The following CACNG2 variants were observed in gnomAD, a reference collection of about 807,000 sequenced individuals.
The protein encoded by CACNG2 is calcium voltage-gated channel auxiliary subunit gamma 2, also known as voltage-dependent calcium channel gamma-2 subunit.
In CACNG2, 3 loss-of-function variants were observed where a neutral mutation model predicts 25.9. The observed-to-expected ratio is 0.12, with a 90% CI of 0.05 to 0.30. The LOEUF (loss-of-function observed/expected upper bound fraction) is 0.30. CACNG2 is among the 10% of genes least tolerant of loss of function. The pLI, the probability that CACNG2 is intolerant of heterozygous loss-of-function variation, is 1.00. For synonymous variants in CACNG2, 167 were observed against 173.3 expected (o/e 0.96, Z 0.29); for missense variants, 341 against 432.5 (o/e 0.79, Z 1.88).
chr22:36,602,743 T>C lies in CACNG2; in HGVS notation c.212-15195A>G, dbSNP rs141308600. Among the ~76,000 whole-genome samples the C allele has an allele frequency of 1.1e-3, 174 of 152,336 alleles. 2 individuals carry two copies. The highest frequency in any genetic ancestry group is 4.1e-3 in the African/African-American group (169 of 41,582). On this transcript the variant is annotated intron_variant, in intron 1 of 3. Coordinates refer to ENST00000300105, the MANE Select transcript of CACNG2 (RefSeq NM_006078.5). ...GATCTGTGATCAGTGATCTTGGATG[T>C]TACCATTGTAATTGTTTTGGAGTGC...
At position 36,665,905 on chromosome 22, in the gene CACNG2, G is replaced by A. The variant is rs148652476; in HGVS notation, c.211+36461C>T. 5.8e-4 allele frequency among the ~76,000 whole-genome samples: 89 copies of A among 152,334 alleles called. 1 individual carries two copies. In the East Asian group the frequency reaches 8.9e-3, roughly 15 times the overall value. On this transcript the variant is annotated intron_variant, in intron 1 of 3. Coordinates refer to ENST00000300105, the MANE Select transcript of CACNG2 (RefSeq NM_006078.5). ...AGAATGGAAACCTGGGTCTCAAGGA[G>A]ATATTTGTATAGCTATGTTCATGGT...
intron 1 of CACNG2, among the ~76,000 whole-genome samples, chr22:36,660,791 C>A (rs1176447615): frequency 1.3e-5 from 2 of 152,244 alleles, no homozygotes; most frequent in African/African-American, 4.8e-5. Context: ...CCAGAGCCTT[C>A]CCTCATCCCA....
intron 1 of CACNG2, among the ~76,000 whole-genome samples, chr22:36,612,828 C>G (rs1180979082): frequency 6.6e-6 from 1 of 152,198 alleles, no homozygotes; most frequent in Non-Finnish European, 1.5e-5. Context: ...CCAAAGAAGT[C>G]TTTTGTCCTA....
intron 2 of CACNG2, among the ~76,000 whole-genome samples, chr22:36,573,271 G>T (rs562756526): frequency 2.0e-5 from 3 of 152,046 alleles, no homozygotes; most frequent in Non-Finnish European, 4.4e-5. Context: ...TAATAGTATG[G>T]CCTCTGAAAT....
At chr22:36,600,768 A>C (rs1348652066) in intron 1 of CACNG2, among the ~76,000 whole-genome samples, 2 of 152,048 alleles carry the variant, frequency 1.3e-5, no homozygotes, top group Admixed American at 6.5e-5. Context: ...GCTGGTCTGG[A>C]ACTCCCAACC....
intron 1 of CACNG2, among the ~76,000 whole-genome samples, chr22:36,612,273 G>A (rs1222952795): frequency 3.3e-5 from 5 of 152,194 alleles, no homozygotes. Context: ...TGGGGTATTG[G>A]AAGGATAGGC....
rs1341685713 is a variant in CACNG2, at chr22:36,630,713, G to T, written c.212-43165C>A. Among the ~76,000 whole-genome samples, 3 of 151,810 alleles carry T rather than the reference G, an allele frequency of 2.0e-5. No homozygotes were observed. The East Asian group carries it at 5.8e-4, about 29-fold the overall frequency. On this transcript the variant is annotated intron_variant, in intron 1 of 3. Coordinates refer to ENST00000300105, the MANE Select transcript of CACNG2 (RefSeq NM_006078.5). ...GAGCTTCCAGTGTAGATGTTTGCAT[G>T]GAAGGATGTGGTGGGAAGCAGAGAG...
chr22:36,618,297 C>T (rs41296239), intron 1 of CACNG2, among the ~76,000 whole-genome samples: 6,581 of 152,328 alleles, frequency 0.043, 233 homozygotes, highest in African/African-American at 0.092. Flanking sequence ...TGCAGGGGCC[C>T]CTCAGAGGCA....
chr22:36,651,660 T>C lies in CACNG2; in HGVS notation c.211+50706A>G, dbSNP rs555647096. On this transcript the variant is annotated intron_variant, in intron 1 of 3. Coordinates refer to ENST00000300105, the MANE Select transcript of CACNG2 (RefSeq NM_006078.5). ...TATTGTGTCTCTCCCCACTAGAAAG[T>C]GAGCCCCAAGAGGGCAGGAATATTT... is the stretch of plus-strand genomic sequence containing the variant. Among the ~76,000 whole-genome samples, 405 of 151,572 alleles carry C rather than the reference T, an allele frequency of 2.7e-3. 1 individual carries two copies. The highest frequency in any genetic ancestry group is 4.0e-3 in the Non-Finnish European group (271 of 68,020).
chr22:36,654,610 G>C (rs1413746757), intron 1 of CACNG2, among the ~76,000 whole-genome samples: 2 of 152,182 alleles, frequency 1.3e-5, no homozygotes, highest in African/African-American at 4.8e-5. Flanking sequence ...TTGAGAGACT[G>C]TGGGAAAAGC....
intron 1 of CACNG2, among the ~76,000 whole-genome samples, chr22:36,696,016 T>C (rs925352964): frequency 5.9e-5 from 9 of 152,230 alleles, no homozygotes; most frequent in African/African-American, 1.7e-4. Flanking sequence ...AAAATACTTA[T>C]ATTTGAGGTT....
At position 36,564,622 on chromosome 22, in the gene CACNG2, T is replaced by G. The variant is rs574213269; in HGVS notation, c.701A>C (p.Gln234Pro). 1.2e-6 allele frequency: 2 copies of G among 1,613,846 alleles called. No homozygotes were observed. The highest frequency in any genetic ancestry group is 4.5e-5 in the East Asian group (2 of 44,882). Residue 234 changes from glutamine (Q) to proline (P), a missense_variant, in exon 4 of 4, where the codon CAG (glutamine) becomes CCG (proline). By Grantham distance (76) the Gln-to-Pro change is moderately conservative. This residue lies in a region of CACNG2 where 172 missense variants were observed against 178.1 expected (regional missense o/e 0.97). Coordinates refer to ENST00000300105, the MANE Select transcript of CACNG2 (RefSeq NM_006078.5). The surrounding 1 kb of genome is among the most constrained non-coding windows in gnomAD (Gnocchi z 6.7). ...GCGCGAGCTGGAGCGGCTGCGGCGCTGGTAGCGGTAGCGGTAGCTGGGGAT... is the reference window on the plus strand; with the variant it reads ...GCGCGAGCTGGAGCGGCTGCGGCGCGGGTAGCGGTAGCGGTAGCTGGGGAT... ...TRIPSYRYRY[Q>P]RRSRSSSRST...
At chr22:36,599,520 C>A (rs528082785) in intron 1 of CACNG2, among the ~76,000 whole-genome samples, 1 of 151,804 alleles carries the variant, frequency 6.6e-6, no homozygotes, top group Non-Finnish European at 1.5e-5. Context: ...GGCAACATGG[C>A]GAAATCCTGT....
intron 1 of CACNG2, among the ~76,000 whole-genome samples, chr22:36,672,309 A>G (rs1936962906): frequency 6.6e-6 from 1 of 152,148 alleles, no homozygotes; most frequent in African/African-American, 2.4e-5. Flanking sequence ...GGTGCACACC[A>G]TACCACCTGG....
At chr22:36,625,184 C>A (rs1054447291) in intron 1 of CACNG2, among the ~76,000 whole-genome samples, 3 of 152,056 alleles carry the variant, frequency 2.0e-5, no homozygotes, top group Non-Finnish European at 4.4e-5. Flanking sequence ...CAGGACGTTT[C>A]AAAAATTAAA....
At chr22:36,626,893 C>T (rs986292054) in intron 1 of CACNG2, among the ~76,000 whole-genome samples, 3 of 152,202 alleles carry the variant, frequency 2.0e-5, no homozygotes, top group East Asian at 1.9e-4. Flanking sequence ...GGCATTTATT[C>T]GGTGCAAGCC....
intron 1 of CACNG2, among the ~76,000 whole-genome samples, chr22:36,653,759 C>T (rs1261590422): frequency 2.0e-5 from 3 of 152,100 alleles, no homozygotes; most frequent in Non-Finnish European, 4.4e-5. Context: ...CCCCTGTGTC[C>T]AAGCCTGTGG....
At chr22:36,653,087 C>T (rs56111272) in intron 1 of CACNG2, among the ~76,000 whole-genome samples, 3,266 of 152,096 alleles carry the variant, frequency 0.021, 123 homozygotes, top group African/African-American at 0.076. Flanking sequence ...TTTGGGAGGC[C>T]GAGGCGGGTG....
intron 1 of CACNG2, 70 bp from the exon 2 acceptor site, chr22:36,587,618 C>A: frequency 9.7e-7 from 1 of 1,034,984 alleles, no homozygotes; most frequent in Non-Finnish European, 1.5e-6. Flanking sequence ...CCACCTGCCT[C>A]TTCCCAACTT....
Sources: gnomAD v4.1 joint callset for allele counts (sites outside exome capture counted in the v4.1 genomes callset) on GRCh38, gnomAD v4.1.1 for gene constraint, gnomAD v4.1.1 regional missense constraint, Gnocchi (gnomAD v3.1) non-coding constraint, MANE v1.5 for transcripts, NCBI Gene and HGNC (gene_info 2026-07-23, HGNC 2026-07-21) for gene names.